FGF14: variants seen among roughly 807,000 people sequenced by gnomAD.
FGF14 encodes the protein fibroblast growth factor 14.
In FGF14, 5 loss-of-function variants were observed where a neutral mutation model predicts 25.5. The ratio of observed to expected loss-of-function variants is 0.20; its 90% CI spans 0.10 to 0.41. The LOEUF (loss-of-function observed/expected upper bound fraction) is 0.41, where lower values mean the gene tolerates loss of function less well. Ranked by LOEUF, FGF14 falls within the 10% of genes least tolerant of loss-of-function variation. The pLI, the probability that FGF14 is intolerant of heterozygous loss-of-function variation, is 1.00. For missense variants in FGF14, 222 were observed against 320.1 expected (o/e 0.69, Z 2.34); for synonymous variants, 138 against 118.3 (o/e 1.17, Z -1.08).
rs144596925 is a variant in FGF14 at position 102,229,065 on chromosome 13, T to G, written c.208+172406A>C. ...CTGTTTTTCTTGGCTGCATCTTGAA[T>G]GGTTATGCACCCCAGGGAAGATGTC... On this transcript the variant is annotated intron_variant, in intron 1 of 4. Transcript: ENST00000376131. Among the ~76,000 whole-genome samples, 600 of 152,288 alleles carry G rather than the reference T, an allele frequency of 3.9e-3. 1 individual carries two copies. Among genetic ancestry groups the G allele is most frequent in the Non-Finnish European group, 5.6e-3 (380 of 68,006 alleles).
rs147397519 is a variant in FGF14 at position 102,196,470 on chromosome 13, T to A, written c.208+205001A>T. On this transcript the variant is annotated intron_variant, in intron 1 of 4. Coordinates refer to the FGF14 transcript ENST00000376131. ...GTTATCCAAACAGTGGGGTTCTCAG[T>A]TTGCCTAGTACTGAAGGACATCTGA... Among the ~76,000 whole-genome samples the A allele has an allele frequency of 6.5e-3, 996 of 152,280 alleles. 15 individuals are homozygous for A. The highest frequency in any genetic ancestry group is 0.023 in the African/African-American group (948 of 41,552).
rs2054347389 is a variant in FGF14, at chr13:102,290,744, C to T, written c.208+110727G>A. Among the ~76,000 whole-genome samples, 5 of 152,146 alleles carry T rather than the reference C, an allele frequency of 3.3e-5. No homozygotes were observed. In the South Asian group the frequency reaches 1.0e-3, roughly 31 times the overall value. On this transcript the variant is annotated intron_variant, in intron 1 of 4. Transcript: ENST00000376131. ...GATAGGGTACAGCCCCGAGCTAGGT[C>T]CAGGGCTACTGTCACTCCTACCAGA...
intron 1 of FGF14, among the ~76,000 whole-genome samples, chr13:101,947,959 T>TA (rs2035918633): frequency 1.3e-5 from 2 of 152,154 alleles, no homozygotes; most frequent in Admixed American, 1.3e-4. Flanking sequence ...TCAGGACAAA[T>TA]AAAGAATATT....
upstream of FGF14, among the ~76,000 whole-genome samples, chr13:101,917,656 G>A (rs559688990): frequency 2.0e-5 from 3 of 152,154 alleles, no homozygotes; most frequent in East Asian, 5.9e-4. Context: ...CGGGTTGGAG[G>A]GAGGAGCCTC....
chr13:102,276,340 T>TGG, intron 1 of FGF14, among the ~76,000 whole-genome samples: 1 of 30,454 alleles, frequency 3.3e-5, no homozygotes, highest in African/African-American at 1.5e-4. Flanking sequence ...TACGTGTGTG[T>TGG]GTGTGTGTGT....
At chr13:102,337,467 T>C (rs1566945896) in intron 1 of FGF14, among the ~76,000 whole-genome samples, 1 of 152,184 alleles carries the variant, frequency 6.6e-6, no homozygotes, top group Non-Finnish European at 1.5e-5. Flanking sequence ...AAGTGTTTTT[T>C]TGAGATGGAA....
chr13:102,087,873 C>A (rs750890481), intron 1 of FGF14, among the ~76,000 whole-genome samples: 3 of 148,718 alleles, frequency 2.0e-5, no homozygotes, highest in Admixed American at 1.3e-4. Context: ...AATACAACAA[C>A]CATCTTACAG....
intron 1 of FGF14, among the ~76,000 whole-genome samples, chr13:101,888,755 A>T (rs1481636537): frequency 6.6e-6 from 1 of 152,198 alleles, no homozygotes; most frequent in Non-Finnish European, 1.5e-5. Flanking sequence ...CATGTCTTCA[A>T]GATTACCTTC....
intron 1 of FGF14, chr13:102,393,803 C>T (rs2058494055): frequency 6.6e-6 from 1 of 152,230 alleles, no homozygotes; most frequent in African/African-American, 2.4e-5. Context: ...GGAACAGTCG[C>T]TTCCTCCACT....
chr13:102,190,428 C>T (rs1375667821), intron 1 of FGF14, among the ~76,000 whole-genome samples: 6 of 152,196 alleles, frequency 3.9e-5, no homozygotes, highest in African/African-American at 1.4e-4. Flanking sequence ...AACAGTGTTA[C>T]TGGCCTCTAG....
chr13:101,947,571 G>A (rs1172035304), intron 1 of FGF14, among the ~76,000 whole-genome samples: 2 of 152,166 alleles, frequency 1.3e-5, no homozygotes, highest in Non-Finnish European at 2.9e-5. Context: ...TATTCTAAGT[G>A]AATTAATGCA....
At chr13:101,937,232 T>C (rs1389256139) in intron 1 of FGF14, among the ~76,000 whole-genome samples, 1 of 152,180 alleles carries the variant, frequency 6.6e-6, no homozygotes, top group African/African-American at 2.4e-5. Flanking sequence ...CAGTAATCTG[T>C]GGTACTGACA....
intron 1 of FGF14, among the ~76,000 whole-genome samples, chr13:102,286,047 A>C (rs2141238308): frequency 6.6e-6 from 1 of 152,348 alleles, no homozygotes; most frequent in South Asian, 2.1e-4. Flanking sequence ...GAGACTCCTA[A>C]AACATCCTCA....
At chr13:102,174,823 C>CGTG (rs970753562) in intron 1 of FGF14, among the ~76,000 whole-genome samples, 1 of 152,018 alleles carries the variant, frequency 6.6e-6, no homozygotes, top group African/African-American at 2.4e-5. Context: ...AAGTATTATG[C>CGTG]TCACTACCAG....
At chr13:102,265,275 T>C (rs1422279351) in intron 1 of FGF14, among the ~76,000 whole-genome samples, 2 of 152,148 alleles carry the variant, frequency 1.3e-5, no homozygotes, top group African/African-American at 4.8e-5. Context: ...TCCATACCCA[T>C]TTCTGCTTTG....
At chr13:102,371,828 T>C (rs901487098) in intron 1 of FGF14, among the ~76,000 whole-genome samples, 5 of 152,200 alleles carry the variant, frequency 3.3e-5, no homozygotes, top group Non-Finnish European at 7.3e-5. Context: ...ATGTAAAATA[T>C]ATGTAAATAA....
chr13:102,070,983 A>G (rs2043133087), intron 1 of FGF14, among the ~76,000 whole-genome samples: 1 of 151,948 alleles, frequency 6.6e-6, no homozygotes, highest in Admixed American at 6.6e-5. Flanking sequence ...ACACACACAT[A>G]AAAACATCAC....
At chr13:101,933,816 A>G (rs1282396572) in intron 1 of FGF14, among the ~76,000 whole-genome samples, 2 of 152,104 alleles carry the variant, frequency 1.3e-5, no homozygotes, top group African/African-American at 2.4e-5. Context: ...TCTTACATTA[A>G]TTTAGATAAC....
chr13:101,739,839 G>A (rs1217001637), intron 3 of FGF14, among the ~76,000 whole-genome samples: 1 of 152,150 alleles, frequency 6.6e-6, no homozygotes, highest in African/African-American at 2.4e-5. Flanking sequence ...AAGACAGGCA[G>A]CCCAGCGCCA....
Sources: gnomAD v4.1 joint callset for allele counts (sites outside exome capture counted in the v4.1 genomes callset) on GRCh38, gnomAD v4.1.1 for gene constraint, MANE v1.5 for transcripts, NCBI Gene and HGNC (gene_info 2026-07-23, HGNC 2026-07-21) for gene names.